TTC6: variants seen among roughly 807,000 people sequenced by gnomAD.
TTC6 encodes the protein tetratricopeptide repeat protein 6.
Under a neutral mutation model 210.4 loss-of-function variants are expected in TTC6, and 172 were observed. That is an observed-to-expected ratio of 0.82 (90% CI 0.72 to 0.93). The LOEUF is 0.93. Ranked by LOEUF, TTC6 falls within the 40% of genes least tolerant of loss-of-function variation. TTC6 has a pLI of 0.00. For missense variants in TTC6, 2,414 were observed against 2,318.1 expected (o/e 1.04, Z -0.85); for synonymous variants, 804 against 819.6 (o/e 0.98, Z 0.32).
chr14:37,674,910 A>T (rs1188600743), intron 1 of TTC6, among the ~76,000 whole-genome samples: 1 of 152,130 alleles, frequency 6.6e-6, no homozygotes, highest in East Asian at 1.9e-4. Context: ...CTATAGACAA[A>T]CAGAAATAAA....
chr14:37,811,704 C>T (rs1043188560), intron 24 of TTC6, among the ~76,000 whole-genome samples: 3 of 152,262 alleles, frequency 2.0e-5, no homozygotes, highest in Middle Eastern at 3.4e-3. Flanking sequence ...TGAGTTGATT[C>T]TCAGATTACA....
chr14:37,622,111 C>T (rs1469096599), exon 1 of TTC6: 1 of 1,535,010 alleles, frequency 6.5e-7, no homozygotes, highest in Non-Finnish European at 8.7e-7. Flanking sequence ...AAAGAGGAAT[C>T]GTATATGTTT....
chr14:37,793,730 A>G (rs1334881072), intron 17 of TTC6, among the ~76,000 whole-genome samples: 2 of 152,214 alleles, frequency 1.3e-5, no homozygotes, highest in Non-Finnish European at 2.9e-5. Context: ...AGCAAGGTGT[A>G]AGGATATAGT....
intron 7 of TTC6, among the ~76,000 whole-genome samples, chr14:37,735,358 G>A (rs12894792): frequency 0.62 from 94,536 of 151,904 alleles, 30,544 homozygotes; most frequent in East Asian, 0.9. Flanking sequence ...GTTTCTGCAT[G>A]TCCAAACCAC....
At chr14:37,789,229 A>T (rs901300954) in intron 15 of TTC6, among the ~76,000 whole-genome samples, 2 of 152,166 alleles carry the variant, frequency 1.3e-5, no homozygotes, top group African/African-American at 4.8e-5. Context: ...GTGTCTCAAT[A>T]TTCAGAGTAA....
intron 24 of TTC6, among the ~76,000 whole-genome samples, chr14:37,811,500 G>A (rs1469226252): frequency 6.6e-6 from 1 of 152,146 alleles, no homozygotes; most frequent in Non-Finnish European, 1.5e-5. Flanking sequence ...GGCATAATAA[G>A]ATTTAGCCCT....
intron 4 of TTC6, among the ~76,000 whole-genome samples, chr14:37,699,868 A>C: frequency 6.6e-6 from 1 of 152,198 alleles, no homozygotes; most frequent in Non-Finnish European, 1.5e-5. Flanking sequence ...TAGCTGAAAC[A>C]CTAAAGATGA....
intron 19 of TTC6, 111 bp downstream of exon 21, chr14:37,796,481 A>G (rs1322971099): frequency 5.6e-6 from 3 of 539,340 alleles, no homozygotes; most frequent in Non-Finnish European, 9.4e-6. Flanking sequence ...GTCAAATTAG[A>G]TTTTCAAACT....
chr14:37,732,801 G>A (rs75537843), intron 7 of TTC6, among the ~76,000 whole-genome samples: 7,961 of 150,614 alleles, frequency 0.053, 321 homozygotes, highest in Non-Finnish European at 0.084. Context: ...TGTACTTTTA[G>A]TAGAGACGGG....
chr14:37,825,170 A>C (rs1160485457), intron 27 of TTC6, among the ~76,000 whole-genome samples: 1 of 152,194 alleles, frequency 6.6e-6, no homozygotes, highest in Non-Finnish European at 1.5e-5. Flanking sequence ...CACTAGAAAT[A>C]TAGAAATGAG....
intron 14 of TTC6, among the ~76,000 whole-genome samples, chr14:37,767,960 C>G (rs1222111353): frequency 2.0e-5 from 3 of 146,574 alleles, no homozygotes; most frequent in Non-Finnish European, 4.5e-5. Flanking sequence ...TTTAATCCAT[C>G]TTGAATTGAT....
rs1172105498 is a variant in TTC6, at chr14:37,622,292, C to T, written c.228C>T (p.Tyr76=). ...CCGCAGCCCGGACGTCGAGAAGATA[C>T]CCTTCGCTTAAAGGCCCTGCGATGT... The change falls in exon 1 of 31, where the codon TAC becomes TAT. Residue 76 remains tyrosine, a synonymous_variant. Transcript: ENST00000553443. The T allele has an allele frequency of 4.6e-6, 7 of 1,534,872 alleles. No individual in the cohort carries two copies. The African/African-American group carries it at 8.2e-5, about 18-fold the overall frequency.
intron 14 of TTC6, among the ~76,000 whole-genome samples, chr14:37,762,253 A>C (rs1174792096): frequency 1.3e-5 from 2 of 152,072 alleles, no homozygotes; most frequent in East Asian, 3.9e-4. Context: ...TTGATTTCTT[A>C]TCTTGGCTAT....
At position 37,800,405 on chromosome 14, in the gene TTC6, A is replaced by G. The variant is rs1423044253; in HGVS notation, c.4029+3458A>G. On this transcript the variant is annotated intron_variant, in intron 20 of 30. Coordinates refer to ENST00000553443, the Ensembl canonical transcript of TTC6. ...AATAGTAAAGTGTGAGAAAGGAGAG[A>G]TAAGTTAAGAACTGTTAAACAAAGT... Among the ~76,000 whole-genome samples, 4 of 152,270 alleles carry G rather than the reference A, an allele frequency of 2.6e-5. No homozygotes were observed. The East Asian group carries it at 7.7e-4, about 29-fold the overall frequency.
At chr14:37,597,523 A>C (rs2139198255) in intron 1 of TTC6, among the ~76,000 whole-genome samples, 1 of 148,782 alleles carries the variant, frequency 6.7e-6, no homozygotes, top group Admixed American at 6.8e-5. Context: ...CACTTCCCAA[A>C]CCTACTAAGT....
intron 7 of TTC6, among the ~76,000 whole-genome samples, chr14:37,728,349 G>A (rs2095877906): frequency 6.6e-6 from 1 of 151,924 alleles, no homozygotes; most frequent in African/African-American, 2.4e-5. Flanking sequence ...GGAGGCTGAG[G>A]TGGGTGGATC....
chr14:37,782,301 A>C (rs1235608390), intron 14 of TTC6, among the ~76,000 whole-genome samples: 1 of 152,030 alleles, frequency 6.6e-6, no homozygotes, highest in Admixed American at 6.6e-5. Context: ...CTTTTATTTC[A>C]TTGAACAGTG....
chr14:37,827,874 G>A (rs537600146), intron 29 of TTC6: 3 of 152,754 alleles, frequency 2.0e-5, no homozygotes, highest in African/African-American at 7.2e-5. Flanking sequence ...TGTTGTTCCA[G>A]TTTTAGTGTA....
rs1210663112 is a variant in TTC6, at chr14:37,598,853, G to A, written c.-235+2845G>A. Among the ~76,000 whole-genome samples the A allele has an allele frequency of 6.6e-6, 1 of 152,174 alleles. No individual in the cohort carries two copies. Among genetic ancestry groups the A allele is most frequent in the South Asian group, 2.1e-4 (1 of 4,826 alleles). On this transcript the variant is annotated intron_variant, in intron 1 of 2. Coordinates refer to the TTC6 transcript ENST00000556845. This position sits in a 1 kb window ranked among gnomAD's most constrained non-coding sequence, Gnocchi z 4.9. Reference sequence around the variant, plus strand: ...CCCTTTCCTTGCCTACCCTTCCCTGGACGGGGTTGTTGTCAGGTGACGGCT... The same window carrying A: ...CCCTTTCCTTGCCTACCCTTCCCTGAACGGGGTTGTTGTCAGGTGACGGCT...
Sources: allele counts gnomAD v4.1 joint callset (sites outside exome capture counted in the v4.1 genomes callset), GRCh38; gene constraint gnomAD v4.1.1; non-coding constraint Gnocchi (gnomAD v3.1); transcripts MANE v1.5; gene names NCBI Gene and HGNC (gene_info 2026-07-23, HGNC 2026-07-21).